The following PIK3C2G variants were observed in gnomAD, a reference collection of about 807,000 sequenced individuals.
The protein encoded by PIK3C2G is phosphatidylinositol-4-phosphate 3-kinase catalytic subunit type 2 gamma, also known as phosphatidylinositol 3-kinase C2 domain-containing subunit gamma.
A neutral mutation model predicts 181.1 loss-of-function variants in PIK3C2G; 168 were observed. That is an observed-to-expected ratio of 0.93 (90% CI 0.82 to 1.05). The LOEUF is 1.05. Among genes scored for constraint, PIK3C2G ranks in the 50% least tolerant of loss-of-function variants. The probability of loss-of-function intolerance (pLI) is 0.00; values close to 1 mark genes in which losing one functional copy is unlikely to be tolerated. For synonymous variants in PIK3C2G, 573 were observed against 592.2 expected, an observed-to-expected ratio of 0.97 and a Z score of 0.47; for missense variants, 1,869 against 1,732.8, an observed-to-expected ratio of 1.08 and a Z score of -1.40.
chr12:18,503,558 C>A, intron 23 of PIK3C2G, 141 bp downstream of exon 23: 2 of 530,728 alleles, frequency 3.8e-6, no homozygotes, highest in Non-Finnish European at 6.2e-6. Flanking sequence ...AATTAATCAG[C>A]CCAGTTTAAA....
At chr12:18,564,726 T>C (rs1945529151) in intron 28 of PIK3C2G, among the ~76,000 whole-genome samples, 1 of 151,972 alleles carries the variant, frequency 6.6e-6, no homozygotes. Context: ...ATAGAATAAC[T>C]GAAAAAAAGA....
chr12:18,501,904 A>G (rs1178458597), intron 22 of PIK3C2G, among the ~76,000 whole-genome samples: 1 of 152,240 alleles, frequency 6.6e-6, no homozygotes, highest in African/African-American at 2.4e-5. Flanking sequence ...GTAAGATGGC[A>G]TTGAAACACT....
At chr12:18,521,364 G>C (rs968818033) in intron 24 of PIK3C2G, among the ~76,000 whole-genome samples, 5 of 152,238 alleles carry the variant, frequency 3.3e-5, no homozygotes, top group Non-Finnish European at 7.3e-5. Flanking sequence ...GACTAGGTCT[G>C]CTGGCCTGCC....
At chr12:18,292,210 C>CAA (rs745371375) in intron 4 of PIK3C2G, among the ~76,000 whole-genome samples, 32 of 28,616 alleles carry the variant, frequency 1.1e-3, no homozygotes, top group African/African-American at 1.3e-3. Context: ...AACTCCATCT[C>CAA]AAAAAAAAAA....
chr12:18,264,852 T>C (rs1274525944), intron 1 of PIK3C2G, among the ~76,000 whole-genome samples: 1 of 152,138 alleles, frequency 6.6e-6, no homozygotes, highest in African/African-American at 2.4e-5. Flanking sequence ...CATAGTGTCT[T>C]CTGTAGATTG....
chr12:18,311,101 G>A (rs1328575901), intron 5 of PIK3C2G, among the ~76,000 whole-genome samples: 1 of 151,666 alleles, frequency 6.6e-6, no homozygotes, highest in Non-Finnish European at 1.5e-5. Flanking sequence ...TTCCTATAAT[G>A]TAATTTGAAA....
Position 18,488,573 on chromosome 12 carries a change from A to C in PIK3C2G, c.2629A>C (p.Lys877Gln), listed in dbSNP as rs746849167. 245 of 1,577,928 alleles carry C rather than the reference A, an allele frequency of 1.6e-4. 1 individual carries two copies. Among genetic ancestry groups the C allele is most frequent in the Middle Eastern group, 1.4e-3 (8 of 5,922 alleles). Residue 877 changes from lysine to glutamine, a missense_variant, in exon 19 of 33, where the codon AAA becomes CAA. Physicochemically the swap from Lys to Gln is moderately conservative, Grantham distance 53 (BLOSUM62 1). Coordinates refer to ENST00000538779, the MANE Select transcript of PIK3C2G (RefSeq NM_001288772.2). ...GTTTTCCAAGGAGCAGAAACTTATC[A>C]AAATTCTGGGAGATATTGGGGAAAG... Reference protein sequence around the residue: ...DEFSKEQKLIKILGDIGERVK... With the variant: ...DEFSKEQKLIQILGDIGERVK...
intron 5 of PIK3C2G, among the ~76,000 whole-genome samples, chr12:18,304,376 C>T (rs1318941291): frequency 6.6e-6 from 1 of 152,084 alleles, no homozygotes; most frequent in Non-Finnish European, 1.5e-5. Flanking sequence ...CCTGCCTCAG[C>T]CTCCTGATTA....
In PIK3C2G at chr12:18,293,752, G is replaced by A. The variant is rs535505857; in HGVS notation, c.920-149G>A. The stretch of plus-strand genomic sequence containing the variant: ...TCTTTAAATCTAACCAGTCTGATAA[G>A]TCAGATGAATCTCAATTTAATTCCC... On this transcript the variant is annotated intron_variant, in intron 4 of 32. Transcript: ENST00000538779. The A allele has an allele frequency of 1.2e-3, 712 of 606,990 alleles. 12 individuals carry two copies. Among genetic ancestry groups the A allele is most frequent in the Non-Finnish European group, 2.2e-4 (76 of 339,862 alleles). The allele number at this position is 606,990 out of a possible 1,614,324, so 37.6% of individuals were successfully genotyped here. A position where few individuals can be genotyped will look rare whatever the true frequency, so the allele number is the denominator to read the frequency against.
In PIK3C2G at chr12:18,273,795, T is replaced by C. The variant is rs542434112; in HGVS notation, c.-78-8209T>C. On this transcript the variant is annotated intron_variant, in intron 1 of 32. Coordinates refer to ENST00000538779, the MANE Select transcript of PIK3C2G (RefSeq NM_001288772.2). ...AAAGCAATGGCAACAAAAGCCAAAATTGAAAAATGGGATCTAATTAAACTA... is the reference window on the plus strand; with the variant it reads ...AAAGCAATGGCAACAAAAGCCAAAACTGAAAAATGGGATCTAATTAAACTA... 6.6e-5 allele frequency among the ~76,000 whole-genome samples: 10 copies of C among 151,988 alleles called. No homozygotes were observed. The South Asian group carries it at 2.1e-3, about 32-fold the overall frequency.
At chr12:18,543,440 G>C (rs1179863703) in intron 25 of PIK3C2G, among the ~76,000 whole-genome samples, 1 of 151,910 alleles carries the variant, frequency 6.6e-6, no homozygotes, top group Admixed American at 6.6e-5. Context: ...ATTGCTTTTG[G>C]TGTCTTCATC....
intron 18 of PIK3C2G, among the ~76,000 whole-genome samples, chr12:18,426,252 ACTAT>A (rs1945806836): frequency 6.6e-6 from 1 of 152,150 alleles, no homozygotes; most frequent in Admixed American, 6.5e-5. Context: ...TATACACTTG[ACTAT>A]CTAACTTTGT....
chr12:18,271,936 C>T (rs1948762600), intron 1 of PIK3C2G, among the ~76,000 whole-genome samples: 1 of 152,098 alleles, frequency 6.6e-6, no homozygotes, highest in Admixed American at 6.5e-5. Context: ...GCTTAATGTG[C>T]TATTAGAAAT....
At chr12:18,474,504 C>T (rs888230503) in intron 18 of PIK3C2G, among the ~76,000 whole-genome samples, 7 of 152,064 alleles carry the variant, frequency 4.6e-5, no homozygotes, top group Admixed American at 1.3e-4. Flanking sequence ...AAGTGAAATT[C>T]ATCAAAAATT....
chr12:18,372,336 C>T (rs1388610747), intron 13 of PIK3C2G, among the ~76,000 whole-genome samples: 2 of 151,902 alleles, frequency 1.3e-5, no homozygotes, highest in African/African-American at 4.8e-5. Flanking sequence ...AATGTAGCAC[C>T]TCATATAAAT....
the PIK3C2G span, among the ~76,000 whole-genome samples, chr12:18,711,334 T>C: frequency 8.2e-6 from 1 of 121,452 alleles, no homozygotes. Context: ...AATTGAACAA[T>C]GAGAACACAT....
chr12:18,567,934 T>C (rs1945723834), intron 29 of PIK3C2G, among the ~76,000 whole-genome samples: 1 of 152,150 alleles, frequency 6.6e-6, no homozygotes, highest in African/African-American at 2.4e-5. Context: ...TTCTAGAGGC[T>C]GCTTGTGTTC....
chr12:18,723,700 G>A, the PIK3C2G span, among the ~76,000 whole-genome samples: 2 of 152,064 alleles, frequency 1.3e-5, no homozygotes, highest in African/African-American at 2.4e-5. Flanking sequence ...GCTGCATGGA[G>A]TGACGTCAAA....
intron 5 of PIK3C2G, among the ~76,000 whole-genome samples, chr12:18,303,116 T>TTTCTTTCTTTC (rs1565575444): frequency 1.2e-4 from 5 of 40,636 alleles, no homozygotes; most frequent in African/African-American, 2.4e-4. Context: ...CTTTCTTTCC[T>TTTCTTTCTTTC]TCTTTCTTTC....
Sources: allele counts gnomAD v4.1 joint callset (sites outside exome capture counted in the v4.1 genomes callset), GRCh38; gene constraint gnomAD v4.1.1; transcripts MANE v1.5; gene names NCBI Gene and HGNC (gene_info 2026-07-23, HGNC 2026-07-21).